The following TPRG1 variants were observed in gnomAD, a reference collection of about 807,000 sequenced individuals.
The protein encoded by TPRG1 is tumor protein p63-regulated gene 1 protein.
Under a neutral mutation model 29.3 loss-of-function variants are expected in TPRG1, and 29 were observed. That is an observed-to-expected ratio of 0.99 (90% CI 0.74 to 1.35). TPRG1 has a LOEUF of 1.35. TPRG1 is among the 40% of genes most tolerant of loss of function. The pLI, the probability that TPRG1 is intolerant of heterozygous loss-of-function variation, is 0.00. For missense variants in TPRG1, 327 were observed against 335.0 expected (o/e 0.98, Z 0.19); for synonymous variants, 130 against 116.8 (o/e 1.11, Z -0.73).
At chr3:189,284,412 T>A (rs2109156855) in intron 4 of TPRG1, among the ~76,000 whole-genome samples, 1 of 138,598 alleles carries the variant, frequency 7.2e-6, no homozygotes, top group African/African-American at 2.7e-5. Flanking sequence ...TGTCCATGTG[T>A]TCTCATTGTT....
intron 1 of TPRG1, among the ~76,000 whole-genome samples, chr3:189,124,474 G>C (rs1428512792): frequency 2.6e-5 from 4 of 151,990 alleles, no homozygotes; most frequent in Non-Finnish European, 4.4e-5. Context: ...GATCCCCTCA[G>C]AAGAAGGGCT....
intron 3 of TPRG1, among the ~76,000 whole-genome samples, chr3:189,230,479 C>A (rs1738467745): frequency 6.6e-6 from 1 of 152,106 alleles, no homozygotes; most frequent in Non-Finnish European, 1.5e-5. Flanking sequence ...TGGCTTCTGC[C>A]CCAATCTCCC....
intron 4 of TPRG1, among the ~76,000 whole-genome samples, chr3:189,270,017 A>ATCTTCTTCTTCTTCTTCTTCTTCT (rs72453037): frequency 6.7e-5 from 10 of 148,698 alleles, no homozygotes; most frequent in African/African-American, 2.2e-4. Flanking sequence ...TCTTCTCTGG[A>ATCTTCTTCTTCTTCTTCTTCTTCT]TCTTCTTCTT....
At chr3:189,155,687 A>G (rs1253211105) in intron 5 of TPRG1, among the ~76,000 whole-genome samples, 1 of 152,264 alleles carries the variant, frequency 6.6e-6, no homozygotes, top group Non-Finnish European at 1.5e-5. Context: ...ATTTGTGACA[A>G]CATAGATGAA....
At chr3:189,251,559 G>A (rs756581911) in intron 4 of TPRG1, among the ~76,000 whole-genome samples, 1 of 152,156 alleles carries the variant, frequency 6.6e-6, no homozygotes, top group Non-Finnish European at 1.5e-5. Flanking sequence ...TCATTTTTGG[G>A]TGTTTCTTAG....
chr3:189,015,653 A>G (rs1474147666), intron 3 of TPRG1, among the ~76,000 whole-genome samples: 1 of 152,160 alleles, frequency 6.6e-6, no homozygotes, highest in African/African-American at 2.4e-5. Flanking sequence ...GCCTTGAGAC[A>G]TGGTGCCCTG....
In TPRG1 at chr3:189,229,147, G is replaced by A. The variant is rs139318171; in HGVS notation, c.303-9586G>A. Among the ~76,000 whole-genome samples, 473 of 152,228 alleles carry A rather than the reference G, an allele frequency of 3.1e-3. 4 individuals are homozygous for A. The highest frequency in any genetic ancestry group is 0.011 in the African/African-American group (452 of 41,540). On this transcript the variant is annotated intron_variant, in intron 3 of 5. Transcript: ENST00000345063. ...ATCCAAATAAATGAAGAGGCATACC[G>A]GGTTTGTAGATTGGAAGACCCAACA...
intron 4 of TPRG1, among the ~76,000 whole-genome samples, chr3:189,078,091 C>CTCTTTCTTTCTTTCTTTCTT (rs67070787): frequency 3.5e-4 from 30 of 85,196 alleles, no homozygotes; most frequent in East Asian, 1.4e-3. Context: ...CTCTCTTTCT[C>CTCTTTCTTTCTTTCTTTCTT]TCTTTCTTTC....
chr3:189,170,873 G>T (rs575195745), upstream of TPRG1, among the ~76,000 whole-genome samples: 1 of 152,276 alleles, frequency 6.6e-6, no homozygotes, highest in South Asian at 2.1e-4. Context: ...TCTTTTAAAA[G>T]AATGGAATTC....
intron 1 of TPRG1, among the ~76,000 whole-genome samples, chr3:189,181,409 C>A (rs1730203014): frequency 6.6e-6 from 1 of 152,174 alleles, no homozygotes; most frequent in Non-Finnish European, 1.5e-5. Flanking sequence ...TTAACAGCAC[C>A]CAAGTCACCT....
chr3:189,004,453 T>A (rs1712185861), intron 2 of TPRG1: 1 of 152,120 alleles, frequency 6.6e-6, no homozygotes, highest in African/African-American at 2.4e-5. Context: ...GCAGAAGCCA[T>A]AGTGTTCACC....
chr3:189,221,173 C>A (rs1350853929), intron 3 of TPRG1, among the ~76,000 whole-genome samples: 2 of 152,152 alleles, frequency 1.3e-5, no homozygotes, highest in Admixed American at 6.5e-5. Flanking sequence ...TTATTTTTGG[C>A]TATTTCTATA....
At chr3:189,110,892 G>A (rs1720427616) in intron 1 of TPRG1, among the ~76,000 whole-genome samples, 1 of 151,454 alleles carries the variant, frequency 6.6e-6, no homozygotes, top group Non-Finnish European at 1.5e-5. Flanking sequence ...TGCTTTTGGA[G>A]TCTCCACTGT....
intron 1 of TPRG1, among the ~76,000 whole-genome samples, chr3:189,183,574 AC>A (rs1484592455): frequency 6.6e-6 from 1 of 151,814 alleles, no homozygotes; most frequent in Non-Finnish European, 1.5e-5. Flanking sequence ...AGACGACCAC[AC>A]CCAAGGGGGC....
rs1006709579 is a variant in TPRG1, at chr3:189,323,208, T to G, written c.*2388T>G. Reference sequence around the variant, plus strand: ...AGAGGAATTGCTGTATGATACCGTTTGGAGAAATGATTGACATAATCTTTT... The same window carrying G: ...AGAGGAATTGCTGTATGATACCGTTGGGAGAAATGATTGACATAATCTTTT... On this transcript the variant is annotated 3_prime_UTR_variant, in exon 6 of 6. Transcript: ENST00000345063. The G allele has an allele frequency of 4.6e-5, 7 of 152,142 alleles. No homozygotes were observed. The highest frequency in any genetic ancestry group is 1.7e-4 in the African/African-American group (7 of 41,438). 9.4% of individuals were successfully genotyped at this position (152,142 alleles called of 1,614,324 possible). A position where few individuals can be genotyped will look rare whatever the true frequency, so the allele number is the denominator to read the frequency against.
At chr3:189,312,099 T>TTCTCTCTCTCTCTCTCTCTCTC (rs1332106139) in intron 5 of TPRG1, among the ~76,000 whole-genome samples, 1 of 55,818 alleles carries the variant, frequency 1.8e-5, no homozygotes, top group South Asian at 4.5e-4. Context: ...CTTTCTTTGT[T>TTCTCTCTCTCTCTCTCTCTCTC]TCTTTGTTTC....
Position 189,081,714 on chromosome 3 carries a change from A to G in TPRG1, c.-462-45343A>G, listed in dbSNP as rs1717606216. On this transcript the variant is annotated intron_variant, in intron 4 of 10. Transcript: ENST00000433971. The stretch of plus-strand genomic sequence containing the variant: ...TTCTTTCTGTTAAAAAATAAACCAA[A>G]CATATGCACATACACTTACTATATC... Among the ~76,000 whole-genome samples the G allele has an allele frequency of 2.0e-5, 3 of 152,170 alleles. No homozygotes were observed. The South Asian group carries it at 6.2e-4, about 32-fold the overall frequency.
At chr3:189,034,932 A>G (rs1001275087) in intron 4 of TPRG1, among the ~76,000 whole-genome samples, 3 of 152,212 alleles carry the variant, frequency 2.0e-5, no homozygotes, top group Non-Finnish European at 2.9e-5. Flanking sequence ...AATTAGAAAA[A>G]ACTATTCTAA....
chr3:189,316,385 G>T (rs532388317), intron 5 of TPRG1, among the ~76,000 whole-genome samples: 15 of 152,300 alleles, frequency 9.8e-5, no homozygotes, highest in East Asian at 5.8e-4. Context: ...TGCCCTCTAT[G>T]ACAGGAGACT....
Sources: gnomAD v4.1 joint callset for allele counts (sites outside exome capture counted in the v4.1 genomes callset) on GRCh38, gnomAD v4.1.1 for gene constraint, MANE v1.5 for transcripts, NCBI Gene and HGNC (gene_info 2026-07-23, HGNC 2026-07-21) for gene names.